The following DIP2C variants were observed in gnomAD, a reference collection of about 807,000 sequenced individuals.
DIP2C encodes the protein disco-interacting protein 2 homolog C.
Under a neutral mutation model 192.4 loss-of-function variants are expected in DIP2C, and 33 were observed. That is an observed-to-expected ratio of 0.17 (90% CI 0.13 to 0.23). The LOEUF (loss-of-function observed/expected upper bound fraction) is 0.23. Ranked by LOEUF, DIP2C falls within the 10% of genes least tolerant of loss-of-function variation. The pLI is 1.00. For synonymous variants in DIP2C, 979 were observed against 864.1 expected (o/e 1.13, Z -2.33); for missense variants, 1,537 against 2,110.1 (o/e 0.73, Z 5.32).
intron 9 of DIP2C, among the ~76,000 whole-genome samples, chr10:405,721 CT>C: frequency 6.6e-6 from 1 of 152,240 alleles, no homozygotes; most frequent in Non-Finnish European, 1.5e-5. Flanking sequence ...TTCACTGTAC[CT>C]AATTATTCAC....
chr10:379,206 C>A (rs1211071811), intron 17 of DIP2C, among the ~76,000 whole-genome samples: 2 of 39,474 alleles, frequency 5.1e-5, no homozygotes, highest in African/African-American at 2.2e-4. Flanking sequence ...CCCCCCCCCA[C>A]AACCCCTGAC....
At chr10:625,765 GGA>G (rs1245859732) in intron 1 of DIP2C, among the ~76,000 whole-genome samples, 1 of 152,200 alleles carries the variant, frequency 6.6e-6, no homozygotes. Flanking sequence ...TCACAGGTGG[GGA>G]GCCACTGCCT....
chr10:440,849 T>A (rs1463299889), intron 4 of DIP2C, 22 bp downstream of exon 4: 11 of 1,604,438 alleles, frequency 6.9e-6, no homozygotes, highest in Non-Finnish European at 9.3e-6. Context: ...CAGGAGGCCG[T>A]GTCGGGGAGC....
chr10:659,156 A>G (rs1333508418), intron 1 of DIP2C, among the ~76,000 whole-genome samples: 1 of 152,288 alleles, frequency 6.6e-6, no homozygotes, highest in East Asian at 1.9e-4. Flanking sequence ...ATGCATACAC[A>G]TAACATGCAC....
intron 1 of DIP2C, among the ~76,000 whole-genome samples, chr10:541,067 CG>C (rs1847958855): frequency 7.8e-6 from 1 of 127,906 alleles, no homozygotes; most frequent in Non-Finnish European, 1.6e-5. Context: ...CCACAACACC[CG>C]ATGCTGGGGA....
At chr10:683,386 A>T (rs188201666) in intron 1 of DIP2C, among the ~76,000 whole-genome samples, 34 of 152,192 alleles carry the variant, frequency 2.2e-4, no homozygotes, top group Non-Finnish European at 4.0e-4. Flanking sequence ...GGATGCAATT[A>T]CTTCTTTTGA....
At chr10:456,653 A>G (rs1004436510) in intron 3 of DIP2C, among the ~76,000 whole-genome samples, 8 of 152,218 alleles carry the variant, frequency 5.3e-5, no homozygotes, top group African/African-American at 1.9e-4. Flanking sequence ...GCCAGACGAG[A>G]CAGGCTGCAT....
intron 32 of DIP2C, 152 bp from the exon 33 acceptor site, chr10:288,573 C>T (rs1002636257): frequency 2.7e-5 from 21 of 776,792 alleles, no homozygotes; most frequent in Non-Finnish European, 4.0e-5. Flanking sequence ...GAAAGAGCAG[C>T]CCAGCAGCAG....
At chr10:586,045 G>T (rs558393899) in intron 1 of DIP2C, among the ~76,000 whole-genome samples, 1 of 152,122 alleles carries the variant, frequency 6.6e-6, no homozygotes, top group African/African-American at 2.4e-5. Flanking sequence ...GGGCAGAAAC[G>T]GCTCAACTCT....
rs1010849140 is a variant in DIP2C at position 643,117 on chromosome 10, G to A, written c.85+46377C>T. ...TACTTGGGGGCTGAGGCAGGACAAC[G>A]GCTTGAACCGGGAGGCAGAGATTGC... On this transcript the variant is annotated intron_variant, in intron 1 of 36. Transcript: ENST00000280886. Among the ~76,000 whole-genome samples, 7 of 151,910 alleles carry A rather than the reference G, an allele frequency of 4.6e-5. No individual in the cohort carries two copies. The South Asian group carries it at 6.2e-4, about 14-fold the overall frequency.
intron 3 of DIP2C, among the ~76,000 whole-genome samples, chr10:455,445 AGG>A (rs1969223871): frequency 9.8e-6 from 1 of 102,262 alleles, no homozygotes; most frequent in African/African-American, 3.7e-5. Flanking sequence ...GGAGACCGTG[AGG>A]AGTAAATGAG....
At chr10:440,827 G>A in intron 4 of DIP2C, 44 bp downstream of exon 4, 1 of 1,587,636 alleles carries the variant, frequency 6.3e-7, no homozygotes, top group East Asian at 2.2e-5. Context: ...ATTCTGAGGT[G>A]CCCGGCACAT....
At chr10:302,102 TA>T (rs1226385509) in intron 32 of DIP2C, among the ~76,000 whole-genome samples, 130 of 152,206 alleles carry the variant, frequency 8.5e-4, no homozygotes, top group Non-Finnish European at 6.8e-4. Flanking sequence ...GGAAAAACTA[TA>T]AACTAATAAG....
intron 22 of DIP2C, among the ~76,000 whole-genome samples, chr10:359,983 G>A (rs940490540): frequency 5.9e-5 from 9 of 152,186 alleles, no homozygotes; most frequent in African/African-American, 2.2e-4. Flanking sequence ...GCTCTTCTAA[G>A]AAGTCAACTT....
In DIP2C at chr10:579,126, AAC is replaced by A. The variant is rs201787110; in HGVS notation, c.86-92598_86-92597del. ...TGTAGTGTAGGTACATAGGTACACT[AAC>A]ATGTGTACATGCGTAGAGCATACAC... On this transcript the variant is annotated intron_variant, in intron 1 of 36. Coordinates refer to ENST00000280886, the MANE Select transcript of DIP2C (RefSeq NM_014974.3). Among the ~76,000 whole-genome samples, 740 of 152,220 alleles carry A rather than the reference AAC, an allele frequency of 4.9e-3. 7 individuals are homozygous for A. The highest frequency in any genetic ancestry group is 0.016 in the African/African-American group (683 of 41,522).
intron 1 of DIP2C, among the ~76,000 whole-genome samples, chr10:521,335 G>A (rs1846695053): frequency 1.3e-5 from 2 of 152,182 alleles, no homozygotes; most frequent in African/African-American, 4.8e-5. Context: ...TGTGGATTCT[G>A]AGGTGCCTGA....
At chr10:414,699 G>GTGTA (rs1213397274) in intron 7 of DIP2C, among the ~76,000 whole-genome samples, 6 of 108,650 alleles carry the variant, frequency 5.5e-5, no homozygotes, top group South Asian at 3.4e-4. Context: ...ATTTTAGAGT[G>GTGTA]TGTATGTATG....
chr10:465,302 A>G (rs1970114774), intron 3 of DIP2C, among the ~76,000 whole-genome samples: 2 of 144,654 alleles, frequency 1.4e-5, no homozygotes, highest in Non-Finnish European at 3.0e-5. Context: ...GATTATCTCA[A>G]TAGATGCAGA....
chr10:657,516 G>C (rs1273404738), intron 1 of DIP2C, among the ~76,000 whole-genome samples: 1 of 27,304 alleles, frequency 3.7e-5, no homozygotes, highest in Non-Finnish European at 8.3e-5. Context: ...TGGACCTGAC[G>C]CTGGACCTGC....
Sources: gnomAD v4.1 joint callset for allele counts (sites outside exome capture counted in the v4.1 genomes callset) on GRCh38, gnomAD v4.1.1 for gene constraint, MANE v1.5 for transcripts, NCBI Gene and HGNC (gene_info 2026-07-23, HGNC 2026-07-21) for gene names.